Variants in ADAMTSL3 observed in about 807,000 individuals in gnomAD.
ADAMTSL3 encodes ADAMTS like 3, also known as ADAMTS-like protein 3.
Under a neutral mutation model 201.7 loss-of-function variants are expected in ADAMTSL3, and 128 were observed. The observed-to-expected ratio is 0.63, with a 90% CI of 0.55 to 0.73. The LOEUF is 0.73. Among genes scored for constraint, ADAMTSL3 ranks in the 30% least tolerant of loss-of-function variants. ADAMTSL3 has a pLI of 0.00. For synonymous variants in ADAMTSL3, 738 were observed against 748.4 expected (o/e 0.99, Z 0.23); for missense variants, 1,990 against 2,119.6 (o/e 0.94, Z 1.20).
intron 3 of ADAMTSL3, among the ~76,000 whole-genome samples, chr15:83,749,934 G>GT (rs2062611386): frequency 6.6e-6 from 1 of 152,182 alleles, no homozygotes; most frequent in Admixed American, 6.5e-5. Context: ...CTTTCCAGAT[G>GT]TAACACTTTG....
At chr15:83,887,478 A>C (rs1055082315) in intron 10 of ADAMTSL3, among the ~76,000 whole-genome samples, 3 of 152,198 alleles carry the variant, frequency 2.0e-5, no homozygotes, top group African/African-American at 7.2e-5. Context: ...ACATTCATTC[A>C]GGTTATTTTC....
chr15:83,695,248 G>A (rs149456057), intron 2 of ADAMTSL3, among the ~76,000 whole-genome samples: 2 of 170 alleles, frequency 0.012, no homozygotes, highest in East Asian at 0.17. Context: ...GTGTGTGTGT[G>A]TGTGTGTGTG....
At chr15:83,812,406 T>C (rs962017844) in intron 5 of ADAMTSL3, among the ~76,000 whole-genome samples, 2 of 152,164 alleles carry the variant, frequency 1.3e-5, no homozygotes, top group African/African-American at 2.4e-5. Flanking sequence ...TTGAAGGAAG[T>C]TGCCTTTAGT....
intron 5 of ADAMTSL3, among the ~76,000 whole-genome samples, chr15:83,806,230 C>T (rs1382279059): frequency 7.0e-6 from 1 of 143,836 alleles, no homozygotes; most frequent in Non-Finnish European, 1.5e-5. Flanking sequence ...CACATGGCAC[C>T]CTTCCCTGCA....
chr15:83,804,523 G>T, intron 4 of ADAMTSL3, 127 bp from the exon 5 acceptor site: 1 of 619,120 alleles, frequency 1.6e-6, no homozygotes, highest in Non-Finnish European at 2.8e-6. Context: ...GAATCTTTGG[G>T]GTAATGTGCA....
chr15:83,829,311 C>T (rs1194201688), intron 6 of ADAMTSL3, among the ~76,000 whole-genome samples: 3 of 152,292 alleles, frequency 2.0e-5, no homozygotes, highest in South Asian at 4.1e-4. Context: ...AGTTTATTTG[C>T]GTAGAGCTGT....
intron 14 of ADAMTSL3, among the ~76,000 whole-genome samples, chr15:83,898,385 A>T (rs1218977309): frequency 1.3e-5 from 2 of 152,192 alleles, no homozygotes; most frequent in African/African-American, 4.8e-5. Context: ...CAAGAAACAG[A>T]GGAAGAAGTA....
At chr15:83,843,250 T>TA (rs1555451210) in intron 7 of ADAMTSL3, among the ~76,000 whole-genome samples, 67 of 108,324 alleles carry the variant, frequency 6.2e-4, no homozygotes, top group South Asian at 3.9e-3. Context: ...GTCCTTTTTT[T>TA]TAAAAAAAAT....
chr15:83,810,614 G>A (rs2063678499), intron 5 of ADAMTSL3, among the ~76,000 whole-genome samples: 1 of 152,216 alleles, frequency 6.6e-6, no homozygotes, highest in Admixed American at 6.5e-5. Context: ...TCATTCTGGA[G>A]GCCTAGGGAA....
intron 7 of ADAMTSL3, among the ~76,000 whole-genome samples, chr15:83,857,135 C>T (rs2064752611): frequency 6.6e-6 from 1 of 152,006 alleles, no homozygotes; most frequent in South Asian, 2.1e-4. Context: ...TGGAGAAATC[C>T]AAGTCCTTTT....
intron 4 of ADAMTSL3, among the ~76,000 whole-genome samples, chr15:83,795,128 A>T (rs1273659413): frequency 1.3e-5 from 2 of 152,050 alleles, no homozygotes; most frequent in Non-Finnish European, 2.9e-5. Context: ...TGCTGGGATT[A>T]CAGGTGTGAA....
chr15:83,875,621 A>G (rs2065162606), intron 9 of ADAMTSL3, among the ~76,000 whole-genome samples: 1 of 151,952 alleles, frequency 6.6e-6, no homozygotes, highest in African/African-American at 2.4e-5. Context: ...CATCTCTACT[A>G]AAAATACAAA....
intron 17 of ADAMTSL3, among the ~76,000 whole-genome samples, chr15:83,936,733 C>T (rs2066467096): frequency 6.6e-6 from 1 of 151,040 alleles, no homozygotes; most frequent in East Asian, 1.9e-4. Flanking sequence ...AGCCAACCTA[C>T]AGAATCAGAG....
chr15:83,816,223 A>G (rs1374985626), intron 5 of ADAMTSL3, among the ~76,000 whole-genome samples: 2 of 152,222 alleles, frequency 1.3e-5, no homozygotes, highest in African/African-American at 2.4e-5. Context: ...CATGAATCTT[A>G]TAAAAGAAAT....
chr15:83,891,202 A>C (rs2065492128), intron 11 of ADAMTSL3, 127 bp from the exon 12 acceptor site: 5 of 765,640 alleles, frequency 6.5e-6, no homozygotes, highest in African/African-American at 3.5e-5. Context: ...GGTTGATAAC[A>C]CTTGATATTT....
At chr15:83,888,366 G>A (rs2065439145) in intron 10 of ADAMTSL3, among the ~76,000 whole-genome samples, 1 of 151,512 alleles carries the variant, frequency 6.6e-6, no homozygotes, top group African/African-American at 2.4e-5. Context: ...TATATGCCCT[G>A]TTTTCATTTA....
At chr15:83,840,131 C>T (rs1448104936) in intron 7 of ADAMTSL3, among the ~76,000 whole-genome samples, 1 of 151,998 alleles carries the variant, frequency 6.6e-6, no homozygotes, top group African/African-American at 2.4e-5. Flanking sequence ...GAAGTCAAAG[C>T]ATTTAGCCAG....
At chr15:83,911,977 A>T (rs967385699) in intron 15 of ADAMTSL3, among the ~76,000 whole-genome samples, 1 of 152,224 alleles carries the variant, frequency 6.6e-6, no homozygotes, top group African/African-American at 2.4e-5. Flanking sequence ...TATATTTCAT[A>T]GTCTTTGGAA....
chr15:84,013,284 T>C (rs1222314887), intron 23 of ADAMTSL3, among the ~76,000 whole-genome samples: 2 of 152,232 alleles, frequency 1.3e-5, no homozygotes, highest in Non-Finnish European at 2.9e-5. Flanking sequence ...TAGGAATAAC[T>C]ATGAGAATTC....
Sources: gnomAD v4.1 joint callset for allele counts (sites outside exome capture counted in the v4.1 genomes callset) on GRCh38, gnomAD v4.1.1 for gene constraint, MANE v1.5 for transcripts, NCBI Gene and HGNC (gene_info 2026-07-23, HGNC 2026-07-21) for gene names.